Variants in ACACA observed in about 807,000 individuals in gnomAD.
ACACA encodes the protein acetyl-CoA carboxylase 1.
In ACACA, 103 loss-of-function variants were observed where a neutral mutation model predicts 296.1. The ratio of observed to expected loss-of-function variants is 0.35; its 90% CI spans 0.30 to 0.41. The LOEUF (loss-of-function observed/expected upper bound fraction) is 0.41. ACACA is among the 10% of genes least tolerant of loss of function. The pLI is 1.00. For missense variants in ACACA, 1,554 were observed against 2,989.7 expected (o/e 0.52, Z 11.20); for synonymous variants, 953 against 1,038.6 (o/e 0.92, Z 1.58).
intron 51 of ACACA, among the ~76,000 whole-genome samples, chr17:37,112,203 T>A (rs1348399863): frequency 1.3e-5 from 2 of 151,988 alleles, no homozygotes; most frequent in African/African-American, 4.8e-5. Context: ...GAGTCAAAGG[T>A]CTCAGGGTTA....
intron 1 of ACACA, among the ~76,000 whole-genome samples, chr17:37,362,642 C>T (rs559624868): frequency 1.9e-4 from 29 of 152,296 alleles, no homozygotes; most frequent in African/African-American, 6.7e-4. Flanking sequence ...GGCATCGTTT[C>T]TCAAAGCATG....
intron 3 of ACACA, among the ~76,000 whole-genome samples, chr17:37,317,896 G>A (rs2147088111): frequency 6.6e-6 from 1 of 152,246 alleles, no homozygotes; most frequent in South Asian, 2.1e-4. Context: ...ATGGAAAGAG[G>A]AAACTAGTTC....
chr17:37,397,368 T>G (rs941565858), intron 1 of ACACA, among the ~76,000 whole-genome samples: 1 of 152,164 alleles, frequency 6.6e-6, no homozygotes, highest in African/African-American at 2.4e-5. Context: ...TATTACTTTG[T>G]ATCAACAAAG....
At chr17:37,220,448 T>C (rs1462961438) in intron 29 of ACACA, among the ~76,000 whole-genome samples, 1 of 152,076 alleles carries the variant, frequency 6.6e-6, no homozygotes, top group Non-Finnish European at 1.5e-5. Context: ...TGTAGTTCTC[T>C]ACAATTATTC....
Position 37,179,400 on chromosome 17 carries a change from TC to T in ACACA, c.4938del (p.Ile1647SerfsTer23). The T allele has an allele frequency of 6.2e-7, 1 of 1,614,168 alleles. No homozygotes were observed. Among genetic ancestry groups the T allele is most frequent in the African/African-American group, 1.3e-5 (1 of 75,054 alleles). ...YDIPEMFRQSLIKLWESMSTQ... is the reference protein window; with the variant it reads ...YDIPEMFRQSXIKLWESMSTQ... ...GTGGACATAGACTCCCAGAGTTTGA[TC>T]AGGGACTAGTGGAGAAAAGAAGTTT... On this transcript the variant is annotated frameshift_variant, in exon 41 of 56. Transcript: ENST00000616317. LOFTEE classifies it high-confidence loss of function.
chr17:37,128,229 A>T (rs191409100), intron 47 of ACACA, among the ~76,000 whole-genome samples: 24 of 152,242 alleles, frequency 1.6e-4, no homozygotes, highest in Non-Finnish European at 3.2e-4. Context: ...TTGTAGAAAA[A>T]CAATGTAATA....
intron 52 of ACACA, among the ~76,000 whole-genome samples, chr17:37,099,336 C>T (rs780486735): frequency 1.3e-5 from 2 of 152,180 alleles, no homozygotes; most frequent in Non-Finnish European, 2.9e-5. Context: ...TAGGCCCCGG[C>T]GCCTCAGTAG....
chr17:37,328,569 A>G (rs1232525799), intron 3 of ACACA: 5 of 239,828 alleles, frequency 2.1e-5, no homozygotes, highest in Non-Finnish European at 3.2e-5. Context: ...GAGGGTGACC[A>G]CTAACGAACA....
intron 1 of ACACA, among the ~76,000 whole-genome samples, chr17:37,371,597 C>G (rs2049808201): frequency 6.6e-6 from 1 of 151,754 alleles, no homozygotes; most frequent in Non-Finnish European, 1.5e-5. Context: ...ATGGTATATT[C>G]CACAATTAAA....
Position 37,234,968 on chromosome 17 carries a change from T to G in ACACA, c.3246+7A>C. 1 of 1,613,922 alleles carries G rather than the reference T, an allele frequency of 6.2e-7. No individual in the cohort carries two copies. Among genetic ancestry groups the G allele is most frequent in the East Asian group, 2.2e-5 (1 of 44,842 alleles). On this transcript the variant is annotated splice_region_variant and intron_variant, in intron 25 of 55. Transcript: ENST00000616317. ...GGTCTTTACAAGTTCTGAAAAATGG[T>G]ACTCACAATAAGCATTGTGACCAGA...
intron 29 of ACACA, among the ~76,000 whole-genome samples, chr17:37,221,065 T>C (rs899801844): frequency 8.5e-5 from 13 of 152,226 alleles, no homozygotes; most frequent in African/African-American, 2.9e-4. Context: ...TTTTAAAAGA[T>C]AGTCTATAAG....
chr17:37,302,690 G>A (rs1261865401), intron 3 of ACACA, among the ~76,000 whole-genome samples: 7 of 152,076 alleles, frequency 4.6e-5, no homozygotes, highest in Non-Finnish European at 8.8e-5. Context: ...TCTTTTTAAT[G>A]CTATCATGAA....
At chr17:37,139,679 C>T (rs1026991902) in intron 45 of ACACA, among the ~76,000 whole-genome samples, 2 of 152,188 alleles carry the variant, frequency 1.3e-5, no homozygotes, top group African/African-American at 4.8e-5. Flanking sequence ...TAATCGGGCT[C>T]CGAAGGTACT....
At chr17:37,210,258 CA>C (rs2078688410) in intron 30 of ACACA, among the ~76,000 whole-genome samples, 1 of 152,140 alleles carries the variant, frequency 6.6e-6, no homozygotes, top group Non-Finnish European at 1.5e-5. Flanking sequence ...TGAGGCTTTT[CA>C]AGTAGTGCTT....
intron 1 of ACACA, among the ~76,000 whole-genome samples, chr17:37,393,343 A>T (rs984313684): frequency 1.3e-5 from 2 of 151,944 alleles, no homozygotes; most frequent in Non-Finnish European, 2.9e-5. Flanking sequence ...AGGAAGAAAA[A>T]AAATGCCTGC....
intron 12 of ACACA, among the ~76,000 whole-genome samples, chr17:37,258,964 T>C (rs1262471387): frequency 6.6e-6 from 1 of 152,186 alleles, no homozygotes. Flanking sequence ...ACCACACTCT[T>C]GTAAGGAAAA....
At chr17:37,359,203 A>T (rs1025948393) in intron 1 of ACACA, 11 of 914,410 alleles carry the variant, frequency 1.2e-5, no homozygotes, top group South Asian at 1.0e-4. Context: ...GGCGAGCTCC[A>T]TGAGGTGACT....
chr17:37,201,670 CAT>C (rs2078255334), intron 33 of ACACA, among the ~76,000 whole-genome samples: 1 of 152,114 alleles, frequency 6.6e-6, no homozygotes, highest in South Asian at 2.1e-4. Flanking sequence ...CCTGAGAAAA[CAT>C]ATGAATAGTA....
At chr17:37,123,124 G>A (rs1477029182) in intron 48 of ACACA, among the ~76,000 whole-genome samples, 1 of 152,184 alleles carries the variant, frequency 6.6e-6, no homozygotes, top group East Asian at 1.9e-4. Flanking sequence ...TTCCAGATAA[G>A]ATTTGAGGGT....
Sources: gnomAD v4.1 joint callset for allele counts (sites outside exome capture counted in the v4.1 genomes callset) on GRCh38, gnomAD v4.1.1 for gene constraint, MANE v1.5 for transcripts, NCBI Gene and HGNC (gene_info 2026-07-23, HGNC 2026-07-21) for gene names.